ASTN2: variants seen among roughly 807,000 people sequenced by gnomAD.
ASTN2 encodes the protein astrotactin 2, also known as astrotactin-2.
Under a neutral mutation model 139.8 loss-of-function variants are expected in ASTN2, and 54 were observed. The ratio of observed to expected loss-of-function variants is 0.39; its 90% CI spans 0.31 to 0.48. The LOEUF (loss-of-function observed/expected upper bound fraction) is 0.48, where lower values mean the gene tolerates loss of function less well. Among genes scored for constraint, ASTN2 ranks in the 20% least tolerant of loss-of-function variants. ASTN2 has a pLI of 0.95. For missense variants in ASTN2, 1,565 were observed against 1,725.1 expected, an observed-to-expected ratio of 0.91 and a Z score of 1.64; for synonymous variants, 756 against 719.5, an observed-to-expected ratio of 1.05 and a Z score of -0.81.
chr9:116,502,722 GGAAGGAAGGAATGAATGAATGAAT>G (rs1564323420), intron 19 of ASTN2, among the ~76,000 whole-genome samples: 2 of 68,120 alleles, frequency 2.9e-5, no homozygotes, highest in African/African-American at 1.6e-4. Context: ...AAGGAAGGAA[GGAAGGAAGGAATGAATGAATGAAT>G]GAGGGAAGGA....
chr9:116,425,374 C>T lies in ASTN2; in HGVS notation c.*477G>A. The T allele has an allele frequency of 1.6e-6, 1 of 613,740 alleles. No individual in the cohort carries two copies. Among genetic ancestry groups the T allele is most frequent in the Non-Finnish European group, 2.9e-6 (1 of 343,590 alleles). The allele number at this position is 613,740 out of a possible 1,614,324, so 38.0% of individuals were successfully genotyped here. ...GTCCTTAAAGACCCATGCTTCCTCA[C>T]TGCAACCATCCTCAGAGCTTCCTTC... On this transcript the variant is annotated 3_prime_UTR_variant, in exon 23 of 23. Coordinates refer to ENST00000313400, the MANE Select transcript of ASTN2 (RefSeq NM_001365068.1).
intron 1 of ASTN2, among the ~76,000 whole-genome samples, chr9:117,298,014 C>A (rs1174493877): frequency 6.6e-6 from 1 of 152,172 alleles, no homozygotes; most frequent in African/African-American, 2.4e-5. Context: ...TAACAGGTAT[C>A]CCTACCTTCG....
At chr9:116,955,302 A>G (rs573243814) in intron 10 of ASTN2, among the ~76,000 whole-genome samples, 24 of 152,342 alleles carry the variant, frequency 1.6e-4, no homozygotes, top group African/African-American at 5.3e-4. Context: ...TGAAATGGAA[A>G]CCATTGTCCT....
intron 19 of ASTN2, among the ~76,000 whole-genome samples, chr9:116,607,138 G>C (rs527915830): frequency 6.6e-6 from 1 of 152,296 alleles, no homozygotes. Context: ...TACTCAGCTA[G>C]GTTGTAAGAC....
intron 1 of ASTN2, among the ~76,000 whole-genome samples, chr9:117,295,629 A>G (rs953740183): frequency 3.9e-5 from 6 of 152,124 alleles, no homozygotes; most frequent in African/African-American, 1.4e-4. Flanking sequence ...GTATATATAT[A>G]TTTATGTATT....
chr9:117,229,739 G>A (rs1588111918), intron 2 of ASTN2, among the ~76,000 whole-genome samples: 1 of 152,154 alleles, frequency 6.6e-6, no homozygotes, highest in African/African-American at 2.4e-5. Context: ...CAACTAGCCT[G>A]GGTTCCTGGC....
chr9:117,218,841 T>C (rs764375070), intron 2 of ASTN2, among the ~76,000 whole-genome samples: 5 of 152,168 alleles, frequency 3.3e-5, no homozygotes, highest in African/African-American at 9.7e-5. Context: ...ATCTTGGACA[T>C]AGAACTTAAT....
Position 116,898,881 on chromosome 9 carries a change from T to C in ASTN2, c.1890-35148A>G, listed in dbSNP as rs185116278. 2.6e-4 allele frequency among the ~76,000 whole-genome samples: 39 copies of C among 152,238 alleles called. No individual in the cohort carries two copies. In the East Asian group the frequency reaches 7.4e-3, roughly 29 times the overall value. On this transcript the variant is annotated intron_variant, in intron 10 of 22. Transcript: ENST00000313400. Reference sequence around the variant, plus strand: ...AGAGATGGGTCTCACTATATCGCCCTAGCTGGTCTCAAACTCTTGGGCTCA... The same window carrying C: ...AGAGATGGGTCTCACTATATCGCCCCAGCTGGTCTCAAACTCTTGGGCTCA...
At chr9:116,903,110 C>G (rs1336896018) in intron 10 of ASTN2, among the ~76,000 whole-genome samples, 1 of 152,090 alleles carries the variant, frequency 6.6e-6, no homozygotes, top group East Asian at 1.9e-4. Context: ...ACTTCCTCCT[C>G]CTCCTTTTTA....
intron 10 of ASTN2, among the ~76,000 whole-genome samples, chr9:116,910,859 AAAGT>A (rs1166649609): frequency 6.6e-6 from 1 of 152,222 alleles, no homozygotes; most frequent in Non-Finnish European, 1.5e-5. Flanking sequence ...GTCATTCTGC[AAAGT>A]AAGAGTGAGC....
At chr9:117,185,195 CT>C (rs1831166906) in intron 3 of ASTN2, among the ~76,000 whole-genome samples, 1 of 152,154 alleles carries the variant, frequency 6.6e-6, no homozygotes, top group Non-Finnish European at 1.5e-5. Context: ...AAATCCTCTT[CT>C]TTTTTACATT....
chr9:117,257,420 G>T (rs1305398258), intron 2 of ASTN2, among the ~76,000 whole-genome samples: 1 of 152,140 alleles, frequency 6.6e-6, no homozygotes, highest in African/African-American at 2.4e-5. Flanking sequence ...ATCTGGAGAG[G>T]TCTTTCTAAA....
At chr9:117,224,463 C>G (rs1314648025) in intron 2 of ASTN2, among the ~76,000 whole-genome samples, 1 of 152,160 alleles carries the variant, frequency 6.6e-6, no homozygotes, top group African/African-American at 2.4e-5. Context: ...CAGATATTCT[C>G]TATACAGTTT....
chr9:116,438,952 A>G (rs891076574), intron 22 of ASTN2, among the ~76,000 whole-genome samples: 11 of 152,226 alleles, frequency 7.2e-5, no homozygotes, highest in Admixed American at 1.3e-4. Flanking sequence ...CTCCATGTCA[A>G]AAAAAGAAAA....
intron 19 of ASTN2, among the ~76,000 whole-genome samples, chr9:116,560,168 C>G (rs58531689): frequency 0.16 from 24,141 of 152,078 alleles, 2,088 homozygotes; most frequent in African/African-American, 0.21. Flanking sequence ...GTGACTTACA[C>G]ATTTCTTTGG....
chr9:116,623,600 A>T (rs1418710539), intron 17 of ASTN2, among the ~76,000 whole-genome samples: 2 of 152,134 alleles, frequency 1.3e-5, no homozygotes, highest in Non-Finnish European at 2.9e-5. Flanking sequence ...AAATCATGTA[A>T]CCTAATCCGT....
rs146615956 is a variant in ASTN2 at position 116,487,456 on chromosome 9, T to G, written c.3400A>C (p.Thr1134Pro). 493 of 1,613,900 alleles carry G rather than the reference T, an allele frequency of 3.1e-4. 1 individual carries two copies. The highest frequency in any genetic ancestry group is 4.0e-4 in the Non-Finnish European group (477 of 1,179,976). Reference protein sequence around the residue: ...FADDLLSGLGTSCVAAGRSHG... With the variant: ...FADDLLSGLGPSCVAAGRSHG... ...CTTCGACCAGCTGCTACACAAGATG[T>G]GCCCAGGCCAGAGAGTAAGTCATCA... The change falls in exon 20 of 23, where the codon ACA becomes CCA. Residue 1134 changes from threonine to proline, a missense_variant. By Grantham distance (38) the Thr-to-Pro change is conservative. Coordinates refer to ENST00000313400, the MANE Select transcript of ASTN2 (RefSeq NM_001365068.1).
chr9:117,324,529 A>G lies in ASTN2; in HGVS notation c.443-33016T>C, dbSNP rs138173627. On this transcript the variant is annotated intron_variant, in intron 1 of 22. Coordinates refer to ENST00000313400, the MANE Select transcript of ASTN2 (RefSeq NM_001365068.1). The stretch of plus-strand genomic sequence containing the variant: ...TCCTGTGAGAACTCACTATCATGAG[A>G]ACAGCATGAGGGAATGGCCCCCATG... Among the ~76,000 whole-genome samples the G allele has an allele frequency of 8.7e-3, 1,320 of 152,316 alleles. 7 individuals are homozygous for G. The highest frequency in any genetic ancestry group is 0.013 in the Non-Finnish European group (891 of 68,028).
intron 16 of ASTN2, among the ~76,000 whole-genome samples, chr9:116,703,581 TGGGGGGAGTGGGGA>T (rs948405314): frequency 5.6e-4 from 24 of 43,174 alleles, no homozygotes; most frequent in African/African-American, 2.1e-3. Context: ...TGTGGTGGGG[TGGGGGGAGTGGGGA>T]GGGGTAGCAT....
Sources: gnomAD v4.1 joint callset for allele counts (sites outside exome capture counted in the v4.1 genomes callset) on GRCh38, gnomAD v4.1.1 for gene constraint, MANE v1.5 for transcripts, NCBI Gene and HGNC (gene_info 2026-07-23, HGNC 2026-07-21) for gene names.